The following CNGA1 variants were observed in gnomAD, a reference collection of about 807,000 sequenced individuals.
CNGA1 encodes the protein cyclic nucleotide gated channel subunit alpha 1.
CNGA1 carries 53 observed loss-of-function variants against 69.7 expected under a neutral mutation model. The observed-to-expected ratio is 0.76, with a 90% CI of 0.61 to 0.96. The LOEUF (loss-of-function observed/expected upper bound fraction) is 0.96. Among genes scored for constraint, CNGA1 ranks in the 40% least tolerant of loss-of-function variants. The pLI, the probability that CNGA1 is intolerant of heterozygous loss-of-function variation, is 0.00. For missense variants in CNGA1, 739 were observed against 811.2 expected (o/e 0.91, Z 1.08); for synonymous variants, 249 against 283.5 (o/e 0.88, Z 1.22).
At chr4:47,982,957 A>C (rs1192304805) in intron 2 of CNGA1, among the ~76,000 whole-genome samples, 2 of 152,048 alleles carry the variant, frequency 1.3e-5, no homozygotes, top group Admixed American at 1.3e-4. Flanking sequence ...GATGTGTGCT[A>C]CCAAGCCCAG....
chr4:47,995,252 ATTC>A (rs1742433387), intron 2 of CNGA1, among the ~76,000 whole-genome samples: 1 of 152,118 alleles, frequency 6.6e-6, no homozygotes, highest in African/African-American at 2.4e-5. Flanking sequence ...ATTTTCCTAG[ATTC>A]TTCTCCCAAA....
At chr4:47,942,481 A>G (rs1330062256) in intron 8 of CNGA1, among the ~76,000 whole-genome samples, 1 of 152,020 alleles carries the variant, frequency 6.6e-6, no homozygotes, top group African/African-American at 2.4e-5. Context: ...ATATTAAAGC[A>G]TACATTAGGT....
At chr4:47,947,701 A>C (rs1251027899) in intron 6 of CNGA1, among the ~76,000 whole-genome samples, 1 of 152,116 alleles carries the variant, frequency 6.6e-6, no homozygotes, top group Non-Finnish European at 1.5e-5. Flanking sequence ...GGGAAAAAGA[A>C]ATAGCCCAAA....
intron 3 of CNGA1, among the ~76,000 whole-genome samples, chr4:47,959,668 C>T (rs1420276305): frequency 2.0e-5 from 3 of 152,128 alleles, no homozygotes; most frequent in African/African-American, 4.8e-5. Flanking sequence ...AGTGCAGTGG[C>T]GCCATCTCGG....
rs755134861 is a variant in CNGA1 at position 47,952,578 on chromosome 4, T to A, written c.107+5A>T. The A allele has an allele frequency of 6.2e-7, 1 of 1,612,472 alleles. No homozygotes were observed. Among genetic ancestry groups the A allele is most frequent in the Non-Finnish European group, 8.5e-7 (1 of 1,178,970 alleles). On this transcript the variant is annotated splice_donor_5th_base_variant and intron_variant, in intron 4 of 10. Coordinates refer to ENST00000514170, the MANE Select transcript of CNGA1 (RefSeq NM_001379270.1). ...AAAAATGCATGGGAAAATGTTTGGA[T>A]TTACCTGCATGCTCCATTTTCCATC...
chr4:47,998,987 C>CAGAA (rs1409076305), intron 2 of CNGA1, among the ~76,000 whole-genome samples: 2 of 152,136 alleles, frequency 1.3e-5, no homozygotes, highest in East Asian at 3.9e-4. Context: ...GACATATTAT[C>CAGAA]AGAAGGTCAA....
At chr4:48,003,051 C>G (rs1225215462) in intron 2 of CNGA1, among the ~76,000 whole-genome samples, 1 of 152,288 alleles carries the variant, frequency 6.6e-6, no homozygotes, top group East Asian at 1.9e-4. Flanking sequence ...GAACACAACC[C>G]CATGACACAG....
At chr4:48,006,496 AACCAAAC>A (rs1714923391) in intron 2 of CNGA1, among the ~76,000 whole-genome samples, 1 of 152,190 alleles carries the variant, frequency 6.6e-6, no homozygotes, top group Admixed American at 6.5e-5. Context: ...GCCCAAAGAA[AACCAAAC>A]ACCATTTCTT....
intron 2 of CNGA1, among the ~76,000 whole-genome samples, chr4:48,001,102 G>A (rs1714647506): frequency 6.6e-6 from 1 of 151,822 alleles, no homozygotes; most frequent in Admixed American, 6.6e-5. Context: ...TCATTTATGA[G>A]AAATAAGCTT....
At chr4:47,947,095 C>G (rs943088866) in intron 6 of CNGA1, among the ~76,000 whole-genome samples, 1 of 152,096 alleles carries the variant, frequency 6.6e-6, no homozygotes, top group African/African-American at 2.4e-5. Context: ...CCTTCAGTAC[C>G]CTTCTTTATG....
rs999576624 is a variant in CNGA1 at position 47,937,665 on chromosome 4, G to C, written c.817C>G (p.Arg273Gly). The change falls in exon 11 of 11, where the codon CGG (arginine) becomes GGG (glycine). Residue 273 changes from arginine (R) to glycine (G), a missense_variant. Coordinates refer to ENST00000514170, the MANE Select transcript of CNGA1 (RefSeq NM_001379270.1). ...YPEIRLNRLL[R>G]FSRMFEFFQR... Reference sequence around the variant, plus strand: ...AAGAACTCAAACATACGAGAGAACCGTAACAACCTGTTTAATCTAATTTCT... The same window carrying C: ...AAGAACTCAAACATACGAGAGAACCCTAACAACCTGTTTAATCTAATTTCT... The C allele has an allele frequency of 6.2e-7, 1 of 1,613,966 alleles. No individual in the cohort carries two copies. The highest frequency in any genetic ancestry group is 1.7e-5 in the Admixed American group (1 of 60,004).
At chr4:47,974,958 A>C (rs1025720585) in intron 3 of CNGA1, among the ~76,000 whole-genome samples, 2 of 152,166 alleles carry the variant, frequency 1.3e-5, no homozygotes, top group Admixed American at 6.5e-5. Flanking sequence ...GCCTATTGTA[A>C]TAAGTCTCGA....
At position 47,937,824 on chromosome 4, in the gene CNGA1, G is replaced by A. The variant is rs752871155; in HGVS notation, c.658C>T (p.Leu220=). The part of the protein sequence containing the change: ...DMFVRTRTGY[L]EQGLLVKEEL... ...TCCTTTACCAGCAGTCCTTGTTCTA[G>A]GTAACCTAAAATAGAAAATAAAATC... Residue 220 remains leucine, a synonymous_variant, in exon 11 of 11, where the codon CTA becomes TTA. Transcript: ENST00000514170. 1 of 1,605,458 alleles carries A rather than the reference G, an allele frequency of 6.2e-7. No individual in the cohort carries two copies.
At chr4:48,016,234 G>A (rs910380828) in intron 1 of CNGA1, among the ~76,000 whole-genome samples, 4 of 152,242 alleles carry the variant, frequency 2.6e-5, no homozygotes, top group African/African-American at 9.6e-5. Flanking sequence ...TATAGCGGGC[G>A]TGGACGGACA....
At chr4:47,973,033 G>A (rs867647160) in intron 3 of CNGA1, among the ~76,000 whole-genome samples, 15 of 151,504 alleles carry the variant, frequency 9.9e-5, no homozygotes, top group Non-Finnish European at 1.5e-4. Flanking sequence ...CAGTCTGAAA[G>A]GCTGATATAG....
At chr4:47,968,738 G>A (rs1740858691) in intron 3 of CNGA1, among the ~76,000 whole-genome samples, 1 of 152,074 alleles carries the variant, frequency 6.6e-6, no homozygotes, top group Non-Finnish European at 1.5e-5. Flanking sequence ...ATAAATTCAA[G>A]AGCAAACAGA....
At chr4:47,949,917 G>A in intron 5 of CNGA1, 22 bp from the exon 6 acceptor site, 5 of 1,612,008 alleles carry the variant, frequency 3.1e-6, no homozygotes, top group Non-Finnish European at 4.2e-6. Context: ...AAAACATGCA[G>A]TGAAATCACA....
intron 3 of CNGA1, among the ~76,000 whole-genome samples, chr4:47,975,569 T>G (rs557885165): frequency 6.6e-6 from 1 of 152,258 alleles, no homozygotes; most frequent in South Asian, 2.1e-4. Context: ...CAAAGTGATA[T>G]AAGAGTGTTT....
chr4:47,999,540 A>C (rs943247817), intron 2 of CNGA1, among the ~76,000 whole-genome samples: 1 of 152,202 alleles, frequency 6.6e-6, no homozygotes, highest in Admixed American at 6.5e-5. Flanking sequence ...ATCAGGAAAA[A>C]AATCAGTCAA....
Sources: allele counts gnomAD v4.1 joint callset (sites outside exome capture counted in the v4.1 genomes callset), GRCh38; gene constraint gnomAD v4.1.1; transcripts MANE v1.5; gene names NCBI Gene and HGNC (gene_info 2026-07-23, HGNC 2026-07-21).